DIAPH2: variants seen among roughly 807,000 people sequenced by gnomAD.
DIAPH2 encodes protein diaphanous homolog 2.
A neutral mutation model predicts 92.7 loss-of-function variants in DIAPH2; 35 were observed. That is an observed-to-expected ratio of 0.38 (90% CI 0.29 to 0.50). The LOEUF (loss-of-function observed/expected upper bound fraction) is 0.50. Ranked by LOEUF, DIAPH2 falls within the 20% of genes least tolerant of loss-of-function variation. The pLI is 0.94. For missense variants in DIAPH2, 701 were observed against 819.5 expected (o/e 0.86, Z 1.77); for synonymous variants, 301 against 280.4 (o/e 1.07, Z -0.73).
intron 4 of DIAPH2, among the ~76,000 whole-genome samples, chrX:96,809,712 C>T (rs2064660399): frequency 9.0e-6 from 1 of 111,016 alleles, no homozygotes; most frequent in South Asian, 3.8e-4. Flanking sequence ...GTGCCCCACC[C>T]TGTGTCCAAG....
chrX:97,163,242 T>A (rs2067387371), intron 22 of DIAPH2, among the ~76,000 whole-genome samples: 1 of 111,307 alleles, frequency 9.0e-6, no homozygotes, highest in Admixed American at 9.6e-5. Flanking sequence ...CAATCATGGC[T>A]CACTGCAGCC....
intron 23 of DIAPH2, among the ~76,000 whole-genome samples, chrX:97,334,880 C>T (rs933275710): frequency 1.1e-4 from 12 of 106,371 alleles, no homozygotes; most frequent in Non-Finnish European, 1.9e-5. Context: ...CTTCAGGAGA[C>T]TGAGGCAGGA....
intron 23 of DIAPH2, among the ~76,000 whole-genome samples, chrX:97,301,011 T>G (rs1440031498): frequency 1.6e-5 from 1 of 63,687 alleles, no homozygotes; most frequent in African/African-American, 5.9e-5. Flanking sequence ...ATTGTGAAAA[T>G]TTAAGTAATT....
chrX:96,792,613 A>G (rs1288391023), intron 4 of DIAPH2, among the ~76,000 whole-genome samples: 2 of 112,296 alleles, frequency 1.8e-5, no homozygotes, highest in Non-Finnish European at 3.8e-5. Flanking sequence ...TGATTTACAA[A>G]TAGACTTTAG....
chrX:97,229,992 G>A (rs906363280), intron 22 of DIAPH2, among the ~76,000 whole-genome samples: 6 of 108,787 alleles, frequency 5.5e-5, no homozygotes, highest in African/African-American at 2.0e-4. Context: ...AGAAAAAAAC[G>A]CGTTTATAGA....
intron 26 of DIAPH2, among the ~76,000 whole-genome samples, chrX:97,522,293 G>C (rs1043937608): frequency 8.9e-6 from 1 of 111,782 alleles, no homozygotes; most frequent in Non-Finnish European, 1.9e-5. Flanking sequence ...TTACATCCTT[G>C]ATTAGTATGT....
At chrX:97,589,028 A>ATATATAT (rs1569430281) in intron 26 of DIAPH2, among the ~76,000 whole-genome samples, 3 of 9,665 alleles carry the variant, frequency 3.1e-4, no homozygotes, top group South Asian at 9.7e-3. Context: ...TATATATATA[A>ATATATAT]AAGAATCAGA....
intron 24 of DIAPH2, among the ~76,000 whole-genome samples, chrX:97,366,279 C>T (rs993956944): frequency 2.7e-5 from 3 of 111,832 alleles, no homozygotes; most frequent in African/African-American, 6.5e-5. Context: ...CTGCCTCTCT[C>T]TTTCTCTCTG....
intron 4 of DIAPH2, among the ~76,000 whole-genome samples, chrX:96,788,275 A>G (rs914156415): frequency 1.8e-5 from 2 of 111,768 alleles, no homozygotes; most frequent in African/African-American, 6.5e-5. Flanking sequence ...TTGCCTTGTC[A>G]TATCACCTAG....
chrX:97,167,403 G>A (rs1191677116), intron 22 of DIAPH2, among the ~76,000 whole-genome samples: 1 of 111,285 alleles, frequency 9.0e-6, no homozygotes, highest in African/African-American at 3.3e-5. Flanking sequence ...AAGCAGCGGT[G>A]GGCACTTGAA....
chrX:97,312,470 C>T (rs967490325), intron 23 of DIAPH2, among the ~76,000 whole-genome samples: 2 of 103,743 alleles, frequency 1.9e-5, no homozygotes, highest in Non-Finnish European at 1.9e-5. Flanking sequence ...CTGCCTCAGC[C>T]TCCCGAGTAG....
chrX:97,265,654 A>G (rs952028806), intron 23 of DIAPH2, among the ~76,000 whole-genome samples: 1 of 112,009 alleles, frequency 8.9e-6, no homozygotes, highest in Non-Finnish European at 1.9e-5. Flanking sequence ...ATGGAAATGG[A>G]CATAAACTTA....
intron 24 of DIAPH2, among the ~76,000 whole-genome samples, chrX:97,358,918 TAA>T (rs1421643774): frequency 8.9e-6 from 1 of 112,185 alleles, no homozygotes; most frequent in Non-Finnish European, 1.9e-5. Flanking sequence ...TCTGAAAATT[TAA>T]GTTTTAAATT....
intron 26 of DIAPH2, among the ~76,000 whole-genome samples, chrX:97,521,782 C>T (rs1318164426): frequency 8.9e-6 from 1 of 111,847 alleles, no homozygotes; most frequent in Non-Finnish European, 1.9e-5. Context: ...AACCTCTTTT[C>T]TTTATAAATT....
chrX:97,337,765 AG>A (rs2069077446), intron 23 of DIAPH2, among the ~76,000 whole-genome samples: 1 of 110,940 alleles, frequency 9.0e-6, no homozygotes, highest in Admixed American at 9.7e-5. Context: ...GGCTGCCACC[AG>A]GATAGTTGCT....
intron 18 of DIAPH2, among the ~76,000 whole-genome samples, chrX:97,073,959 G>A (rs2066686704): frequency 9.0e-6 from 1 of 111,683 alleles, no homozygotes; most frequent in Admixed American, 9.5e-5. Flanking sequence ...GTTGATTTCT[G>A]TCAACATTAT....
At chrX:97,015,787 GA>G (rs397966972) in intron 17 of DIAPH2, among the ~76,000 whole-genome samples, 216 of 33,616 alleles carry the variant, frequency 6.4e-3, no homozygotes, top group Middle Eastern at 0.021. Flanking sequence ...GACGCCATCT[GA>G]AAAAAAAAAA....
rs766578728 is a variant in DIAPH2 at position 97,116,871 on chromosome X, T to G, written c.2589+1906T>G. ...TTACGTTAATCTCACCGAAGGATTT[T>G]ACAGTTACATCTTATATTTTGGAGA... is the stretch of plus-strand genomic sequence containing the variant. On this transcript the variant is annotated intron_variant, in intron 21 of 26. Coordinates refer to ENST00000324765, the MANE Select transcript of DIAPH2 (RefSeq NM_006729.5). 2.7e-5 allele frequency among the ~76,000 whole-genome samples: 3 copies of G among 111,832 alleles called. No homozygotes were observed. In the East Asian group the frequency reaches 8.4e-4, roughly 31 times the overall value.
rs2068607902 is a variant in DIAPH2, at chrX:97,293,078, T to A, written c.2844+45239T>A. On this transcript the variant is annotated intron_variant, in intron 23 of 26. Transcript: ENST00000324765. Reference sequence around the variant, plus strand: ...TAACATGAAAGTGAAAAAGGATGTGTGAGCCTACAAAAGACTTAGGCCAAC... The same window carrying A: ...TAACATGAAAGTGAAAAAGGATGTGAGAGCCTACAAAAGACTTAGGCCAAC... Among the ~76,000 whole-genome samples, 4 of 110,234 alleles carry A rather than the reference T, an allele frequency of 3.6e-5. No homozygotes were observed. The South Asian group carries it at 1.6e-3, about 43-fold the overall frequency.
Sources: allele counts gnomAD v4.1 joint callset (sites outside exome capture counted in the v4.1 genomes callset), GRCh38; gene constraint gnomAD v4.1.1; transcripts MANE v1.5; gene names NCBI Gene and HGNC (gene_info 2026-07-23, HGNC 2026-07-21).